The following MTMR4 variants were observed in gnomAD, a reference collection of about 807,000 sequenced individuals.
MTMR4 encodes phosphatidylinositol-3,5-bisphosphate 3-phosphatase MTMR4.
Under a neutral mutation model 125.5 loss-of-function variants are expected in MTMR4, and 30 were observed. That is an observed-to-expected ratio of 0.24 (90% CI 0.18 to 0.32). The LOEUF is 0.32. Ranked by LOEUF, MTMR4 falls within the 10% of genes least tolerant of loss-of-function variation. The pLI is 1.00. For synonymous variants in MTMR4, 498 were observed against 564.5 expected (o/e 0.88, Z 1.67); for missense variants, 1,039 against 1,511.5 (o/e 0.69, Z 5.18).
In MTMR4 at chr17:58,492,602, A is replaced by T. The variant is rs772037483; in HGVS notation, c.3364-3T>A. 1 of 1,613,656 alleles carries T rather than the reference A, an allele frequency of 6.2e-7. No homozygotes were observed. The highest frequency in any genetic ancestry group is 1.1e-5 in the South Asian group (1 of 91,016). On this transcript the variant is annotated splice_polypyrimidine_tract_variant and splice_region_variant and intron_variant, in intron 16 of 17. Coordinates refer to ENST00000682306, the MANE Select transcript of MTMR4 (RefSeq NM_001378067.1). Reference sequence around the variant, plus strand: ...TGGTCTGGAACCCAGCGAGTCACCTAATAGAAGGCACAAAGAAAAATTCCT... The same window carrying T: ...TGGTCTGGAACCCAGCGAGTCACCTTATAGAAGGCACAAAGAAAAATTCCT...
chr17:58,492,898 T>C lies in MTMR4; in HGVS notation c.3307A>G (p.Ser1103Gly), dbSNP rs1459117305. 3.7e-6 allele frequency: 6 copies of C among 1,614,274 alleles called. No individual in the cohort carries two copies. Among genetic ancestry groups the C allele is most frequent in the Non-Finnish European group, 4.2e-6 (5 of 1,180,046 alleles). ...CTTGCTTCTGAAAGGCAGTCTTCACTGTGATCAGAGCCAAAATCCTCAGTA... is the reference window on the plus strand; with the variant it reads ...CTTGCTTCTGAAAGGCAGTCTTCACCGTGATCAGAGCCAAAATCCTCAGTA... ...SDTEDFGSDH[S>G]EDCLSEASWE... is the part of the protein sequence containing the mutation. Residue 1103 changes from serine (S) to glycine (G), a missense_variant, in exon 16 of 18, where the codon AGT becomes GGT. Around this residue, in one of 6 missense-constraint regions of MTMR4, gnomAD observed 619 missense variants for 714.5 expected, o/e 0.87. Coordinates refer to ENST00000682306, the MANE Select transcript of MTMR4 (RefSeq NM_001378067.1).
chr17:58,507,969 G>A, intron 7 of MTMR4, 192 bp downstream of exon 7: 1 of 533,844 alleles, frequency 1.9e-6, no homozygotes, highest in East Asian at 3.3e-5. Flanking sequence ...AAAAAAGGGG[G>A]GGAATGAATA....
Position 58,514,605 on chromosome 17 carries a change from C to G in MTMR4, c.-198G>C, listed in dbSNP as rs1435683386. ...CCTCTCCACAATGGAGCGGGCCCAGCTCCGCCCTCCCGCACGAGTGCAGAA... is the reference window on the plus strand; with the variant it reads ...CCTCTCCACAATGGAGCGGGCCCAGGTCCGCCCTCCCGCACGAGTGCAGAA... On this transcript the variant is annotated 5_prime_UTR_variant, in exon 1 of 18. Transcript: ENST00000682306. 18 of 985,156 alleles carry G rather than the reference C, an allele frequency of 1.8e-5. No individual in the cohort carries two copies. Among genetic ancestry groups the G allele is most frequent in the Non-Finnish European group, 2.0e-5 (17 of 829,902 alleles). 61.0% of individuals were successfully genotyped at this position (985,156 alleles called of 1,614,324 possible).
rs766709487 is a variant in MTMR4 at position 58,495,941 on chromosome 17, T to C, written c.2243A>G (p.Asp748Gly). ...ACCCAGCTCATCCTGGGCAGAAGGG[T>C]CTGGAGCTGGTCCCTTAGTCTCTTC... is the stretch of plus-strand genomic sequence containing the variant. ...VLEETKGPAP[D>G]PSAQDELGRT... The change falls in exon 15 of 18, where the codon GAC (aspartate) becomes GGC (glycine). Residue 748 changes from aspartate (D) to glycine (G), a missense_variant. This residue lies in a region of MTMR4 where 619 missense variants were observed against 714.5 expected (regional missense o/e 0.87). Transcript: ENST00000682306. The C allele has an allele frequency of 1.1e-5, 17 of 1,614,122 alleles. No homozygotes were observed. The highest frequency in any genetic ancestry group is 1.4e-5 in the Non-Finnish European group (16 of 1,180,024).
chr17:58,503,700 C>A, intron 14 of MTMR4, 44 bp downstream of exon 14: 1 of 1,561,850 alleles, frequency 6.4e-7, no homozygotes, highest in Non-Finnish European at 8.7e-7. Flanking sequence ...ACAGTTACTG[C>A]CTTCCTAGTG....
upstream of MTMR4, among the ~76,000 whole-genome samples, chr17:58,515,729 T>C (rs888563763): frequency 1.3e-5 from 2 of 152,158 alleles, no homozygotes; most frequent in African/African-American, 2.4e-5. Context: ...CAGCAGGCTT[T>C]CTGAGAAGAG....
In MTMR4 at chr17:58,508,876, A is replaced by G. The variant is rs1975851093; in HGVS notation, c.336-35T>C. 6.2e-7 allele frequency: 1 copy of G among 1,601,796 alleles called. No homozygotes were observed. The highest frequency in any genetic ancestry group is 1.7e-5 in the Admixed American group (1 of 59,696). On this transcript the variant is annotated intron_variant, in intron 4 of 17. Coordinates refer to ENST00000682306, the MANE Select transcript of MTMR4 (RefSeq NM_001378067.1). This position sits in a 1 kb window ranked among gnomAD's most constrained non-coding sequence, Gnocchi z 4.8. ...AAGAAGCCACAGGCCTAGGTGAGGCAAAGTGCAGTTGTGCCATGGGGCTAT... is the reference window on the plus strand; with the variant it reads ...AAGAAGCCACAGGCCTAGGTGAGGCGAAGTGCAGTTGTGCCATGGGGCTAT...
intron 17 of MTMR4, among the ~76,000 whole-genome samples, chr17:58,492,154 T>C (rs1020753699): frequency 6.6e-6 from 1 of 152,180 alleles, no homozygotes; most frequent in Non-Finnish European, 1.5e-5. Context: ...TATACATATG[T>C]ATTACACTAT....
chr17:58,511,394 G>A, intron 4 of MTMR4, 35 bp downstream of exon 4: 1 of 1,569,350 alleles, frequency 6.4e-7, no homozygotes, highest in Non-Finnish European at 8.7e-7. Flanking sequence ...CAAGACTAGG[G>A]CCAGGGGACC....
chr17:58,506,727 G>A lies in MTMR4; in HGVS notation c.1033+16C>T, dbSNP rs1471273148. ...AGAGCACAGGCTGGCTGCAGACACT[G>A]GGATAACAGCAATACCTTCACATTC... is the stretch of plus-strand genomic sequence containing the variant. On this transcript the variant is annotated intron_variant, in intron 9 of 17. Transcript: ENST00000682306. 1.9e-6 allele frequency: 3 copies of A among 1,611,870 alleles called. No individual in the cohort carries two copies. The highest frequency in any genetic ancestry group is 2.5e-6 in the Non-Finnish European group (3 of 1,178,726).
intron 14 of MTMR4, among the ~76,000 whole-genome samples, chr17:58,497,363 A>C (rs760525650): frequency 7.2e-5 from 11 of 152,322 alleles, no homozygotes; most frequent in Non-Finnish European, 1.3e-4. Context: ...CCAGGAAGGC[A>C]ATAACAGTGG....
Position 58,508,349 on chromosome 17 carries a change from G to A in MTMR4, c.594-75C>T. On this transcript the variant is annotated intron_variant, in intron 6 of 17. Coordinates refer to ENST00000682306, the MANE Select transcript of MTMR4 (RefSeq NM_001378067.1). The surrounding 1 kb of genome is among the most constrained non-coding windows in gnomAD (Gnocchi z 4.8). The stretch of plus-strand genomic sequence containing the variant: ...TGACAGGATCCCTGGGGATGGCTTT[G>A]TGGGAAGAGAAACCATGAGCCTTCC... 2 of 1,553,680 alleles carry A rather than the reference G, an allele frequency of 1.3e-6. No individual in the cohort carries two copies. The highest frequency in any genetic ancestry group is 1.8e-6 in the Non-Finnish European group (2 of 1,125,508).
chr17:58,508,108 T>C lies in MTMR4; in HGVS notation c.707+53A>G. On this transcript the variant is annotated intron_variant, in intron 7 of 17. Coordinates refer to ENST00000682306, the MANE Select transcript of MTMR4 (RefSeq NM_001378067.1). This position sits in a 1 kb window ranked among gnomAD's most constrained non-coding sequence, Gnocchi z 4.8. Reference sequence around the variant, plus strand: ...TACCCAAAATCTCCAATTTTGACTCTTTCCTTGTTGCATAAGAAATGGCCT... The same window carrying C: ...TACCCAAAATCTCCAATTTTGACTCCTTCCTTGTTGCATAAGAAATGGCCT... 2 of 1,412,488 alleles carry C rather than the reference T, an allele frequency of 1.4e-6. No homozygotes were observed. Among genetic ancestry groups the C allele is most frequent in the South Asian group, 2.3e-5 (2 of 85,944 alleles). The allele number at this position is 1,412,488 out of a possible 1,614,324, so 87.5% of individuals were successfully genotyped here.
chr17:58,505,885 C>T (rs553864806), intron 9 of MTMR4, among the ~76,000 whole-genome samples: 39 of 152,032 alleles, frequency 2.6e-4, no homozygotes, highest in Non-Finnish European at 4.4e-4. Flanking sequence ...CCAGCCTGGG[C>T]GACAGAGCGA....
chr17:58,517,829 C>A (rs538970729), upstream of MTMR4: 1 of 153,466 alleles, frequency 6.5e-6, no homozygotes, highest in African/African-American at 2.4e-5. Context: ...AGGCGGCGTC[C>A]GCCCGACCCT....
intron 9 of MTMR4, among the ~76,000 whole-genome samples, chr17:58,506,080 A>G (rs1238737606): frequency 6.6e-6 from 1 of 152,246 alleles, no homozygotes; most frequent in African/African-American, 2.4e-5. Flanking sequence ...CCATATATTA[A>G]TAATAGTAAC....
intron 1 of MTMR4, 76 bp from the exon 2 acceptor site, chr17:58,513,017 A>T: frequency 1.0e-6 from 1 of 968,982 alleles, no homozygotes; most frequent in East Asian, 2.4e-5. Context: ...CTCCCCACCA[A>T]GAAATCCACA....
chr17:58,509,808 G>A (rs552153371), intron 4 of MTMR4, among the ~76,000 whole-genome samples: 1 of 152,150 alleles, frequency 6.6e-6, no homozygotes, highest in South Asian at 2.1e-4. Flanking sequence ...CCTCCTTGAA[G>A]GGAAGGGCAA....
chr17:58,501,294 C>T (rs776405665), intron 14 of MTMR4, among the ~76,000 whole-genome samples: 3 of 152,012 alleles, frequency 2.0e-5, no homozygotes, highest in Admixed American at 6.6e-5. Context: ...GAAGATCACT[C>T]GACGCCAGGA....
Sources: allele counts gnomAD v4.1 joint callset (sites outside exome capture counted in the v4.1 genomes callset), GRCh38; gene constraint gnomAD v4.1.1; regional missense constraint gnomAD v4.1.1; non-coding constraint Gnocchi (gnomAD v3.1); transcripts MANE v1.5; gene names NCBI Gene and HGNC (gene_info 2026-07-23, HGNC 2026-07-21).